SSH2: variants seen among roughly 807,000 people sequenced by gnomAD.
SSH2 encodes the protein slingshot protein phosphatase 2.
SSH2 carries 37 observed loss-of-function variants against 135.2 expected under a neutral mutation model. The observed-to-expected ratio is 0.27, with a 90% CI of 0.21 to 0.36. SSH2 has a LOEUF of 0.36. SSH2 is among the 10% of genes least tolerant of loss of function. The probability of loss-of-function intolerance (pLI) is 1.00; values close to 1 mark genes in which losing one functional copy is unlikely to be tolerated. For missense variants in SSH2, 1,408 were observed against 1,765.3 expected (o/e 0.80, Z 3.63); for synonymous variants, 628 against 646.2 (o/e 0.97, Z 0.43).
intron 9 of SSH2, among the ~76,000 whole-genome samples, chr17:29,669,996 C>T (rs1371240715): frequency 1.3e-5 from 2 of 151,758 alleles, no homozygotes; most frequent in Admixed American, 6.6e-5. Flanking sequence ...GTTCTCCTGC[C>T]TCAGCCTCCT....
At chr17:29,838,898 A>G in intron 2 of SSH2, 1 of 181,178 alleles carries the variant, frequency 5.5e-6, no homozygotes, top group East Asian at 1.6e-4. Flanking sequence ...CTGTAACACA[A>G]ACAGGGCTGA....
At chr17:29,816,603 G>A (rs1007265751) in intron 2 of SSH2, among the ~76,000 whole-genome samples, 16 of 151,906 alleles carry the variant, frequency 1.1e-4, no homozygotes, top group African/African-American at 3.9e-4. Flanking sequence ...AAGATTCCTA[G>A]GTCTAATTCC....
Position 29,915,301 on chromosome 17 carries a change from T to C in SSH2, c.63+14637A>G, listed in dbSNP as rs374612264. On this transcript the variant is annotated intron_variant, in intron 1 of 15. Transcript: ENST00000540801. ...TTATAGAAAAAGCACATTCAGTTGC[T>C]TTGGAAATGCATCTAAGAGCAGCAT... Among the ~76,000 whole-genome samples the C allele has an allele frequency of 7.2e-5, 11 of 152,318 alleles. No individual in the cohort carries two copies. In the East Asian group the frequency reaches 1.9e-3, roughly 27 times the overall value.
intron 6 of SSH2, among the ~76,000 whole-genome samples, chr17:29,680,864 T>C (rs1188596867): frequency 1.3e-5 from 2 of 152,142 alleles, no homozygotes; most frequent in African/African-American, 4.8e-5. Flanking sequence ...AGTATAAATA[T>C]GGTGGGTTGG....
intron 11 of SSH2, among the ~76,000 whole-genome samples, chr17:29,663,960 G>A (rs1477933626): frequency 6.6e-6 from 1 of 152,176 alleles, no homozygotes; most frequent in African/African-American, 2.4e-5. Context: ...AGTTGTATAT[G>A]GGAAATCTCT....
chr17:29,789,001 G>A (rs1197299965), intron 3 of SSH2, among the ~76,000 whole-genome samples: 4 of 152,214 alleles, frequency 2.6e-5, no homozygotes. Flanking sequence ...CAAGAAACAT[G>A]TTAGTGGACA....
chr17:29,839,637 G>C (rs1485068749), intron 2 of SSH2, among the ~76,000 whole-genome samples: 3 of 152,136 alleles, frequency 2.0e-5, no homozygotes, highest in African/African-American at 4.8e-5. Context: ...GAAGAAATAT[G>C]TCAGGTCTCA....
intron 1 of SSH2, among the ~76,000 whole-genome samples, chr17:29,911,921 C>T (rs183845987): frequency 3.9e-5 from 6 of 152,190 alleles, no homozygotes; most frequent in Non-Finnish European, 8.8e-5. Context: ...AGTTGTTATA[C>T]AAAGTGTGAC....
intron 2 of SSH2, among the ~76,000 whole-genome samples, chr17:29,845,671 C>T (rs74551891): frequency 0.063 from 9,555 of 151,372 alleles, 563 homozygotes; most frequent in African/African-American, 0.16. Flanking sequence ...CATATCCTTC[C>T]GCCTTAGCCT....
chr17:29,916,663 T>G (rs574867525), intron 1 of SSH2, among the ~76,000 whole-genome samples: 1 of 152,100 alleles, frequency 6.6e-6, no homozygotes, highest in Middle Eastern at 3.4e-3. Context: ...AGGAGAGAAA[T>G]AAAAATACTT....
At chr17:29,916,455 T>C (rs7210288) in intron 1 of SSH2, among the ~76,000 whole-genome samples, 1 of 147,282 alleles carries the variant, frequency 6.8e-6, no homozygotes, top group African/African-American at 2.7e-5. Context: ...TTGTTAAAGA[T>C]TTTTTTTTTC....
At chr17:29,761,399 C>T (rs990763546) in intron 3 of SSH2, 8 of 1,061,986 alleles carry the variant, frequency 7.5e-6, no homozygotes, top group Middle Eastern at 4.6e-4. Context: ...AGGCAGCCGC[C>T]GAAGCCCCAG....
chr17:29,882,100 T>C (rs1339238587), intron 1 of SSH2, among the ~76,000 whole-genome samples: 1 of 152,214 alleles, frequency 6.6e-6, no homozygotes, highest in Non-Finnish European at 1.5e-5. Flanking sequence ...ACAATGCCAG[T>C]CTTCTAAAAT....
intron 2 of SSH2, among the ~76,000 whole-genome samples, chr17:29,817,673 A>T (rs2042581305): frequency 6.6e-6 from 1 of 152,224 alleles, no homozygotes; most frequent in Non-Finnish European, 1.5e-5. Flanking sequence ...CCTCCTTCAG[A>T]TACCAAAGTG....
chr17:29,644,238 G>A (rs1235638998), intron 14 of SSH2, among the ~76,000 whole-genome samples: 2 of 152,164 alleles, frequency 1.3e-5, no homozygotes, highest in East Asian at 3.8e-4. Flanking sequence ...TTTGGCTATT[G>A]GGGAGTTCTG....
intron 14 of SSH2, chr17:29,645,159 C>T (rs1048569430): frequency 6.6e-6 from 1 of 152,196 alleles, no homozygotes; most frequent in African/African-American, 2.4e-5. Context: ...AACATTCAAA[C>T]ACATTTTTAT....
chr17:29,749,323 A>C (rs1018445486), intron 3 of SSH2, among the ~76,000 whole-genome samples: 1 of 152,220 alleles, frequency 6.6e-6, no homozygotes, highest in African/African-American at 2.4e-5. Flanking sequence ...AGGCAAGTTT[A>C]TCATTGCGTG....
At chr17:29,697,509 T>C (rs1419656747) in intron 4 of SSH2, among the ~76,000 whole-genome samples, 1 of 152,174 alleles carries the variant, frequency 6.6e-6, no homozygotes, top group Non-Finnish European at 1.5e-5. Context: ...TTCTCCCTCT[T>C]TCCTTCTCAT....
chr17:29,800,191 T>C (rs923829036), intron 2 of SSH2, among the ~76,000 whole-genome samples: 3 of 151,928 alleles, frequency 2.0e-5, no homozygotes, highest in Admixed American at 6.6e-5. Context: ...CTTTCCCTTC[T>C]GTTTACTTCG....
Sources: allele counts gnomAD v4.1 joint callset (sites outside exome capture counted in the v4.1 genomes callset), GRCh38; gene constraint gnomAD v4.1.1; transcripts MANE v1.5; gene names NCBI Gene and HGNC (gene_info 2026-07-23, HGNC 2026-07-21).